The following MLYCD variants were observed in gnomAD, a reference collection of about 807,000 sequenced individuals.
MLYCD encodes malonyl-CoA decarboxylase, mitochondrial.
A neutral mutation model predicts 35.8 loss-of-function variants in MLYCD; 27 were observed. That is an observed-to-expected ratio of 0.75 (90% confidence interval 0.56 to 1.04). MLYCD has a LOEUF of 1.04. MLYCD is among the 50% of genes least tolerant of loss of function. The pLI is 0.00. For missense variants in MLYCD, 917 were observed against 665.1 expected (o/e 1.38, Z -4.17); for synonymous variants, 403 against 302.4 (o/e 1.33, Z -3.45).
Position 83,921,575 on chromosome 16 carries a change from C to G in MLYCD, c.*6086C>G, listed in dbSNP as rs980357318. 2 of 152,128 alleles carry G rather than the reference C, an allele frequency of 1.3e-5. No individual in the cohort carries two copies. Among genetic ancestry groups the G allele is most frequent in the African/African-American group, 2.4e-5 (1 of 41,408 alleles). The allele number at this position is 152,128 out of a possible 1,614,324, so 9.4% of individuals were successfully genotyped here. ...GGATGGATGTATTAACATCCCTTCT[C>G]CATGCCTCAGTCCCCATCATAAGGA... On this transcript the variant is annotated 3_prime_UTR_variant, in exon 5 of 5. Coordinates refer to ENST00000262430, the MANE Select transcript of MLYCD (RefSeq NM_012213.3).
intron 1 of MLYCD, among the ~76,000 whole-genome samples, chr16:83,901,392 C>T (rs908521785): frequency 6.6e-6 from 1 of 152,146 alleles, no homozygotes; most frequent in Non-Finnish European, 1.5e-5. Context: ...GCAATAGATT[C>T]CTGGGTGTCC....
At chr16:83,910,038 G>C (rs72791526) in intron 3 of MLYCD, among the ~76,000 whole-genome samples, 2 of 152,116 alleles carry the variant, frequency 1.3e-5, no homozygotes, top group South Asian at 2.1e-4. Flanking sequence ...GACCCAGCTC[G>C]CATCCTGACT....
intron 3 of MLYCD, among the ~76,000 whole-genome samples, chr16:83,908,780 G>C (rs142196802): frequency 3.9e-4 from 59 of 152,338 alleles, no homozygotes; most frequent in African/African-American, 1.3e-3. Context: ...GTGGCAAGCT[G>C]CTCTGCTCCT....
intron 3 of MLYCD, among the ~76,000 whole-genome samples, chr16:83,909,304 C>T (rs1049364275): frequency 6.6e-6 from 1 of 152,116 alleles, no homozygotes; most frequent in Non-Finnish European, 1.5e-5. Context: ...GCTGACAGTT[C>T]AAAAGGGTGG....
chr16:83,900,390 T>C (rs561007081), intron 1 of MLYCD, among the ~76,000 whole-genome samples: 45 of 152,198 alleles, frequency 3.0e-4, no homozygotes, highest in Admixed American at 7.2e-4. Flanking sequence ...TACTCTTCTT[T>C]TATACTGTTA....
chr16:83,909,852 C>G (rs1246379282), intron 3 of MLYCD, among the ~76,000 whole-genome samples: 2 of 150,606 alleles, frequency 1.3e-5, no homozygotes, highest in African/African-American at 4.9e-5. Context: ...AGGCTGGTCT[C>G]GAACTCCCGA....
At chr16:83,914,915 G>T in intron 4 of MLYCD, 41 bp from the exon 5 acceptor site, 1 of 1,614,016 alleles carries the variant, frequency 6.2e-7, no homozygotes, top group Non-Finnish European at 8.5e-7. Context: ...CTGAATTTGT[G>T]TTTTCTCCGC....
chr16:83,916,755 G>C lies in MLYCD; in HGVS notation c.*1266G>C, dbSNP rs1238915578. 7.8e-6 allele frequency: 1 copy of C among 128,138 alleles called. No individual in the cohort carries two copies. The highest frequency in any genetic ancestry group is 1.6e-5 in the Non-Finnish European group (1 of 61,714). The allele number at this position is 128,138 out of a possible 1,614,324, so 7.9% of individuals were successfully genotyped here. ...GCGTGTGCCCGAGCGTCTCTGTGTG[G>C]ATCAGTGCACGTCTGTGTGCATGTG... On this transcript the variant is annotated 3_prime_UTR_variant, in exon 5 of 5. Transcript: ENST00000262430.
intron 1 of MLYCD, among the ~76,000 whole-genome samples, chr16:83,903,274 C>T (rs1326960824): frequency 6.6e-6 from 1 of 152,196 alleles, no homozygotes; most frequent in Non-Finnish European, 1.5e-5. Flanking sequence ...TGCTAGACAC[C>T]TGCGTACCCT....
chr16:83,915,566 TGAA>T lies in MLYCD; in HGVS notation c.*79_*81del. The T allele has an allele frequency of 6.4e-7, 1 of 1,569,764 alleles. No individual in the cohort carries two copies. Among genetic ancestry groups the T allele is most frequent in the Non-Finnish European group, 8.6e-7 (1 of 1,165,868 alleles). ...CAGGAGGGGCCGGGAGTTATGTATCTGAAGCAGCTTTCCAAGCAAAGCCAAAGT... is the reference window on the plus strand; with the variant it reads ...CAGGAGGGGCCGGGAGTTATGTATCTGCAGCTTTCCAAGCAAAGCCAAAGT... On this transcript the variant is annotated 3_prime_UTR_variant, in exon 5 of 5. Coordinates refer to ENST00000262430, the MANE Select transcript of MLYCD (RefSeq NM_012213.3).
chr16:83,909,578 G>A (rs916137842), intron 3 of MLYCD, among the ~76,000 whole-genome samples: 2 of 150,466 alleles, frequency 1.3e-5, no homozygotes, highest in Non-Finnish European at 3.0e-5. Flanking sequence ...CATTTTGTGT[G>A]TTATTGCCCT....
chr16:83,905,753 C>T (rs1348477888), intron 1 of MLYCD, among the ~76,000 whole-genome samples: 2 of 152,224 alleles, frequency 1.3e-5, no homozygotes, highest in Admixed American at 6.5e-5. Context: ...CTGCCCCCAG[C>T]CGCAGTGCAA....
rs780870942 is a variant in MLYCD, at chr16:83,908,286, C to T, written c.798+4C>T. The T allele has an allele frequency of 1.2e-6, 2 of 1,613,908 alleles. No individual in the cohort carries two copies. The highest frequency in any genetic ancestry group is 2.7e-5 in the African/African-American group (2 of 74,898). ...TGACATCTCCAGCAACATCCAGGTA[C>T]CTGCGATGGTCAATTCGGGACAAGA... On this transcript the variant is annotated splice_donor_region_variant and intron_variant, in intron 3 of 4. Transcript: ENST00000262430.
intron 4 of MLYCD, 63 bp downstream of exon 4, chr16:83,912,430 C>T: frequency 4.4e-6 from 7 of 1,603,648 alleles, no homozygotes; most frequent in Non-Finnish European, 6.0e-6. Flanking sequence ...CAGCGAACCT[C>T]GTGGGGTGTC....
intron 3 of MLYCD, 92 bp downstream of exon 3, chr16:83,908,374 C>G: frequency 7.1e-7 from 1 of 1,407,060 alleles, no homozygotes; most frequent in Non-Finnish European, 9.5e-7. Flanking sequence ...ATTTTATCCT[C>G]CTTTTTTTTT....
At position 83,913,902 on chromosome 16, in the gene MLYCD, T is replaced by C. The variant is rs146879422; in HGVS notation, c.949-1054T>C. 182 of 151,368 alleles carry C rather than the reference T, an allele frequency of 1.2e-3. 1 individual carries two copies. The highest frequency in any genetic ancestry group is 4.2e-3 in the African/African-American group (175 of 41,250). The allele number at this position is 151,368 out of a possible 1,614,324, so 9.4% of individuals were successfully genotyped here. On this transcript the variant is annotated intron_variant, in intron 4 of 4. Transcript: ENST00000262430. ...AGGAACATGGTGAGGAAAATCATAATAGGCTGCTTTTTTTATATTACTCTG... is the reference window on the plus strand; with the variant it reads ...AGGAACATGGTGAGGAAAATCATAACAGGCTGCTTTTTTTATATTACTCTG...
At chr16:83,904,264 A>G (rs886263079) in intron 1 of MLYCD, among the ~76,000 whole-genome samples, 38 of 152,328 alleles carry the variant, frequency 2.5e-4, no homozygotes, top group African/African-American at 8.4e-4. Flanking sequence ...ACTGGGGTAC[A>G]GAAGCCCTCC....
intron 1 of MLYCD, among the ~76,000 whole-genome samples, chr16:83,902,608 C>G (rs193192493): frequency 1.3e-5 from 2 of 150,680 alleles, no homozygotes; most frequent in East Asian, 2.0e-4. Context: ...CAGGTTCAAG[C>G]CATTCTCCCA....
At chr16:83,912,562 T>A (rs1257895280) in intron 4 of MLYCD, 195 bp downstream of exon 4, 1 of 701,438 alleles carries the variant, frequency 1.4e-6, no homozygotes, top group African/African-American at 1.8e-5. Context: ...ATGAGAATGA[T>A]GCTGAGAGAG....
Sources: allele counts gnomAD v4.1 joint callset (sites outside exome capture counted in the v4.1 genomes callset), GRCh38; gene constraint gnomAD v4.1.1; transcripts MANE v1.5; gene names NCBI Gene and HGNC (gene_info 2026-07-23, HGNC 2026-07-21).